Variants in WFDC3 observed in about 807,000 individuals in gnomAD.
WFDC3 encodes the protein WAP four-disulfide core domain 3.
In WFDC3, 15 loss-of-function variants were observed where a neutral mutation model predicts 25.8. The observed-to-expected ratio is 0.58, with a 90% confidence interval of 0.39 to 0.89. The LOEUF (loss-of-function observed/expected upper bound fraction) is 0.89. Ranked by LOEUF, WFDC3 falls within the 40% of genes least tolerant of loss-of-function variation. The pLI, the probability that WFDC3 is intolerant of heterozygous loss-of-function variation, is 0.00. For missense variants in WFDC3, 264 were observed against 289.8 expected (o/e 0.91, Z 0.65); for synonymous variants, 103 against 107.1 (o/e 0.96, Z 0.24).
chr20:45,782,804 T>C (rs1980507120), intron 4 of WFDC3, among the ~76,000 whole-genome samples: 2 of 152,216 alleles, frequency 1.3e-5, no homozygotes, highest in Admixed American at 6.5e-5. Context: ...ATTCTTCATA[T>C]ACTGGCAGAG....
Position 45,790,108 on chromosome 20 carries a change from C to T in WFDC3, c.-7-126G>A, listed in dbSNP as rs555001460. The T allele has an allele frequency of 3.0e-5, 19 of 635,798 alleles. No homozygotes were observed. The Admixed American group carries it at 3.2e-4, about 11-fold the overall frequency. 39.4% of individuals were successfully genotyped at this position (635,798 alleles called of 1,614,324 possible). A position where few individuals can be genotyped will look rare whatever the true frequency, so the allele number is the denominator to read the frequency against. On this transcript the variant is annotated intron_variant, in intron 1 of 6. Coordinates refer to ENST00000243938, the MANE Select transcript of WFDC3 (RefSeq NM_080614.2). ...TCCCAAAACCTTCCCTTTCACAATA[C>T]TCCCCAAGAATATCTTCTCCTGACA...
At chr20:45,779,043 G>A (rs1279374182) in intron 4 of WFDC3, among the ~76,000 whole-genome samples, 1 of 152,130 alleles carries the variant, frequency 6.6e-6, no homozygotes, top group African/African-American at 2.4e-5. Flanking sequence ...ATCTTGCCCA[G>A]AACTACAGAG....
chr20:45,776,619 AAAGAAAAAAAAAAAAAAT>A (rs1568697374), intron 5 of WFDC3, among the ~76,000 whole-genome samples: 804 of 78,898 alleles, frequency 0.01, 9 homozygotes, highest in Non-Finnish European at 0.013. Flanking sequence ...AAAAGAAAAA[AAAGAAAAAAAAAAAAAAT>A]ATATATATAT....
chr20:45,777,304 T>A, intron 4 of WFDC3, 95 bp from the exon 5 acceptor site: 2 of 1,117,192 alleles, frequency 1.8e-6, no homozygotes, highest in Non-Finnish European at 2.3e-6. Context: ...AGTTATATAT[T>A]TATATACATA....
At chr20:45,789,788 C>T in intron 2 of WFDC3, 106 bp downstream of exon 2, 1 of 963,610 alleles carries the variant, frequency 1.0e-6, no homozygotes, top group Non-Finnish European at 1.6e-6. Flanking sequence ...AGATGATCAT[C>T]TCCACTTACA....
intron 2 of WFDC3, 59 bp from the exon 3 acceptor site, chr20:45,789,118 G>A: frequency 6.2e-7 from 1 of 1,600,038 alleles, no homozygotes; most frequent in Non-Finnish European, 8.5e-7. Context: ...ATGGGGAATG[G>A]ACCTTCAGCC....
Position 45,777,028 on chromosome 20 carries a change from C to T in WFDC3, c.493+47G>A, listed in dbSNP as rs766774227. ...TCCCAGGAAGGGAAAGAGAAGCACT[C>T]TTCTCAGGAAACACTCAAGGATTTC... is the stretch of plus-strand genomic sequence containing the variant. On this transcript the variant is annotated intron_variant, in intron 5 of 6. Coordinates refer to ENST00000243938, the MANE Select transcript of WFDC3 (RefSeq NM_080614.2). 2.5e-6 allele frequency: 4 copies of T among 1,610,572 alleles called. No homozygotes were observed. In the African/African-American group the frequency reaches 5.4e-5, roughly 22 times the overall value.
chr20:45,788,313 A>G (rs975007829), intron 3 of WFDC3: 3 of 169,378 alleles, frequency 1.8e-5, no homozygotes, highest in Non-Finnish European at 2.5e-5. Context: ...TCAAAAAAAA[A>G]AGAGAGAGAG....
rs375796890 is a variant in WFDC3, at chr20:45,787,919, T to C, written c.275A>G (p.Asp92Gly). 3.1e-6 allele frequency: 5 copies of C among 1,614,014 alleles called. No homozygotes were observed. Among genetic ancestry groups the C allele is most frequent in the Non-Finnish European group, 4.2e-6 (5 of 1,180,028 alleles). The change falls in exon 4 of 7, where the codon GAT (aspartate) becomes GGT (glycine). Residue 92 changes from aspartate (D) to glycine (G), a missense_variant. Transcript: ENST00000243938. ...TTTCTTTACACCTGGACATGTCTCA[T>C]CAGTGATGCACCTTTTCAAACAGGA... ...KQSCLKRCITDETCPGVKKCC... is the reference protein window; with the variant it reads ...KQSCLKRCITGETCPGVKKCC...
chr20:45,774,695 A>G (rs991712558), intron 6 of WFDC3, among the ~76,000 whole-genome samples: 2 of 152,156 alleles, frequency 1.3e-5, no homozygotes, highest in Non-Finnish European at 2.9e-5. Context: ...TAATCCCAGC[A>G]CTTTGGGAGG....
chr20:45,784,678 T>C (rs1470381348), intron 4 of WFDC3, among the ~76,000 whole-genome samples: 2 of 152,040 alleles, frequency 1.3e-5, no homozygotes, highest in Non-Finnish European at 2.9e-5. Context: ...GAGGTGGAGA[T>C]TGCAGTGAGC....
chr20:45,775,527 G>T lies in WFDC3; in HGVS notation c.569C>A (p.Ala190Asp). 1 of 1,614,168 alleles carries T rather than the reference G, an allele frequency of 6.2e-7. No individual in the cohort carries two copies. Among genetic ancestry groups the T allele is most frequent in the Non-Finnish European group, 8.5e-7 (1 of 1,180,026 alleles). The stretch of plus-strand genomic sequence containing the variant: ...GCCTGACTTGCAACATTTTTCTCCA[G>T]CTTGACAATTCTCATCCATCACACA... ...VGCVMDENCQ[A>D]GEKCCKSGCG... The change falls in exon 6 of 7, where the codon GCT (alanine) becomes GAT (aspartate). Residue 190 changes from alanine to aspartate, a missense_variant. By Grantham distance (126) the Ala-to-Asp change is moderately radical. Transcript: ENST00000243938.
At chr20:45,778,983 C>G (rs139728145) in intron 4 of WFDC3, among the ~76,000 whole-genome samples, 1 of 152,284 alleles carries the variant, frequency 6.6e-6, no homozygotes, top group African/African-American at 2.4e-5. Context: ...GATTAATTTT[C>G]TGTTGTGTGC....
intron 2 of WFDC3, 106 bp downstream of exon 2, chr20:45,789,788 C>G (rs1204499030): frequency 1.9e-5 from 18 of 963,492 alleles, no homozygotes; most frequent in Non-Finnish European, 2.8e-5. Flanking sequence ...AGATGATCAT[C>G]TCCACTTACA....
In WFDC3 at chr20:45,787,854, T is replaced by C. The variant is rs1222311109; in HGVS notation, c.340A>G (p.Ile114Val). The change falls in exon 4 of 7, where the codon ATC (isoleucine) becomes GTC (valine). Residue 114 changes from isoleucine to valine, a missense_variant. By Grantham distance (29) the Ile-to-Val change is conservative. Transcript: ENST00000243938. ...TTCTTACCCAGCTTCTGTTTAGAGATTGGGACTACACAGCTCTTGTTGCAG... is the reference window on the plus strand; with the variant it reads ...TTCTTACCCAGCTTCTGTTTAGAGACTGGGACTACACAGCTCTTGTTGCAG... ...LGCNKSCVVP[I>V]SKQKLAEFGG... is the part of the protein sequence containing the mutation. 3.7e-6 allele frequency: 6 copies of C among 1,612,718 alleles called. No homozygotes were observed. Among genetic ancestry groups the C allele is most frequent in the Admixed American group, 1.7e-5 (1 of 59,696 alleles).
Position 45,789,891 on chromosome 20 carries a change from C to T in WFDC3, c.82+3G>A, listed in dbSNP as rs1453794975. ...TGGCCAGGGATCCCAAATGATAGCT[C>T]ACCATGTTCTCCTGCAGTTATCCAG... is the stretch of plus-strand genomic sequence containing the variant. On this transcript the variant is annotated splice_donor_region_variant and intron_variant, in intron 2 of 6. Transcript: ENST00000243938. 3.1e-6 allele frequency: 5 copies of T among 1,613,566 alleles called. No homozygotes were observed. The South Asian group carries it at 4.4e-5, about 14-fold the overall frequency.
chr20:45,789,435 G>A (rs1980842941), intron 2 of WFDC3, among the ~76,000 whole-genome samples: 2 of 150,768 alleles, frequency 1.3e-5, no homozygotes, highest in South Asian at 4.2e-4. Context: ...GAACCTGGGA[G>A]GTGGAGTTTG....
intron 4 of WFDC3, among the ~76,000 whole-genome samples, chr20:45,782,543 A>G (rs1247891343): frequency 4.1e-4 from 62 of 151,782 alleles, no homozygotes; most frequent in Non-Finnish European, 8.8e-5. Context: ...ATGCCCGGCT[A>G]ATTTTTGTAT....
chr20:45,787,695 TTGTGCACCC>T (rs373036639), intron 4 of WFDC3, 132 bp downstream of exon 4: 1 of 1,158,500 alleles, frequency 8.6e-7, no homozygotes. Flanking sequence ...TGATTATGGC[TTGTGCACCC>T]TTTGTATATC....
Sources: allele counts gnomAD v4.1 joint callset (sites outside exome capture counted in the v4.1 genomes callset), GRCh38; gene constraint gnomAD v4.1.1; transcripts MANE v1.5; gene names NCBI Gene and HGNC (gene_info 2026-07-23, HGNC 2026-07-21).